Variants in SYT1 observed in about 807,000 individuals in gnomAD.
SYT1 encodes the protein synaptotagmin-1.
A neutral mutation model predicts 44.8 loss-of-function variants in SYT1; 8 were observed. That is an observed-to-expected ratio of 0.18 (90% CI 0.10 to 0.32). The LOEUF is 0.32. Among genes scored for constraint, SYT1 ranks in the 10% least tolerant of loss-of-function variants. The pLI is 1.00. For synonymous variants in SYT1, 154 were observed against 188.8 expected, an observed-to-expected ratio of 0.82 and a Z score of 1.51; for missense variants, 286 against 509.3, an observed-to-expected ratio of 0.56 and a Z score of 4.22.
intron 3 of SYT1, among the ~76,000 whole-genome samples, chr12:79,048,419 C>T (rs984437021): frequency 1.3e-5 from 2 of 151,636 alleles, no homozygotes; most frequent in Non-Finnish European, 3.0e-5. Context: ...ATCATCATCA[C>T]GATGATATAA....
intron 3 of SYT1, among the ~76,000 whole-genome samples, chr12:79,095,829 C>A (rs1374550193): frequency 6.6e-6 from 1 of 151,852 alleles, no homozygotes; most frequent in African/African-American, 2.4e-5. Flanking sequence ...TCTGAAGATT[C>A]AATAATTTGT....
intron 1 of SYT1, among the ~76,000 whole-genome samples, chr12:78,917,658 A>G (rs1415986007): frequency 2.3e-4 from 35 of 151,680 alleles, no homozygotes; most frequent in Middle Eastern, 7.0e-3. Context: ...TGTTCTTGAG[A>G]ATAAATTTCC....
chr12:79,438,281 C>A (rs1283826423), intron 9 of SYT1, among the ~76,000 whole-genome samples: 1 of 152,052 alleles, frequency 6.6e-6, no homozygotes, highest in African/African-American at 2.4e-5. Flanking sequence ...AAAAAGATGG[C>A]AGATTCATTG....
chr12:79,018,325 C>T (rs1342348303), intron 2 of SYT1, among the ~76,000 whole-genome samples: 5 of 141,140 alleles, frequency 3.5e-5, no homozygotes, highest in Non-Finnish European at 6.0e-5. Flanking sequence ...AGGGGAACAT[C>T]ACACACCAGG....
At chr12:79,240,579 G>A (rs990238059) in intron 4 of SYT1, among the ~76,000 whole-genome samples, 1 of 152,136 alleles carries the variant, frequency 6.6e-6, no homozygotes, top group African/African-American at 2.4e-5. Flanking sequence ...CATATCAACA[G>A]GTTCAGGAAT....
intron 3 of SYT1, among the ~76,000 whole-genome samples, chr12:79,090,863 C>T (rs1045566074): frequency 3.1e-4 from 47 of 151,956 alleles, no homozygotes; most frequent in African/African-American, 1.1e-3. Flanking sequence ...CAGGTAATAG[C>T]CCTCAAAAAG....
At chr12:79,228,779 A>G (rs1190653328) in intron 4 of SYT1, among the ~76,000 whole-genome samples, 1 of 152,190 alleles carries the variant, frequency 6.6e-6, no homozygotes, top group African/African-American at 2.4e-5. Context: ...ACGTCTCTCA[A>G]AACCAGCCAG....
intron 3 of SYT1, among the ~76,000 whole-genome samples, chr12:79,087,623 G>A (rs1028742518): frequency 6.6e-6 from 1 of 151,950 alleles, no homozygotes; most frequent in African/African-American, 2.4e-5. Flanking sequence ...CAAGCCCAGT[G>A]GTGAGTAACA....
intron 2 of SYT1, chr12:79,036,355 G>GA (rs1489801064): frequency 1.3e-5 from 2 of 151,848 alleles, no homozygotes; most frequent in Non-Finnish European, 2.9e-5. Context: ...GTAATTGCCA[G>GA]ATGGGTATTG....
intron 2 of SYT1, among the ~76,000 whole-genome samples, chr12:79,045,142 G>T (rs1242387680): frequency 6.6e-6 from 1 of 152,158 alleles, no homozygotes; most frequent in Admixed American, 6.5e-5. Flanking sequence ...GCTGTGGTGG[G>T]CTCCACCCAG....
chr12:79,182,024 T>C (rs1360870085), intron 3 of SYT1, among the ~76,000 whole-genome samples: 1 of 152,062 alleles, frequency 6.6e-6, no homozygotes, highest in East Asian at 1.9e-4. Context: ...TCTACACACA[T>C]GTATAGGTCT....
At chr12:79,129,504 A>G (rs368828162) in intron 3 of SYT1, among the ~76,000 whole-genome samples, 4 of 152,206 alleles carry the variant, frequency 2.6e-5, no homozygotes, top group African/African-American at 4.8e-5. Context: ...AAGAAGATCA[A>G]TTGAGTAGTG....
At chr12:78,999,183 A>G (rs773819367) in intron 2 of SYT1, among the ~76,000 whole-genome samples, 1 of 152,196 alleles carries the variant, frequency 6.6e-6, no homozygotes, top group East Asian at 1.9e-4. Flanking sequence ...TTTTTCATCT[A>G]CATTAGCATC....
chr12:79,349,060 G>GAAAGAAAAAGAAAGAAAGAAA (rs1565920027), intron 8 of SYT1, among the ~76,000 whole-genome samples: 39 of 128,814 alleles, frequency 3.0e-4, no homozygotes, highest in African/African-American at 9.2e-4. Context: ...AAAGAAAGGA[G>GAAAGAAAAAGAAAGAAAGAAA]GGAGGGAGGG....
At chr12:79,140,580 T>C (rs1869496458) in intron 3 of SYT1, among the ~76,000 whole-genome samples, 1 of 152,212 alleles carries the variant, frequency 6.6e-6, no homozygotes, top group African/African-American at 2.4e-5. Flanking sequence ...TGTGCTTCGT[T>C]ACCATGCAGG....
chr12:78,939,283 C>T (rs1878228550), intron 1 of SYT1, among the ~76,000 whole-genome samples: 1 of 152,170 alleles, frequency 6.6e-6, no homozygotes, highest in Non-Finnish European at 1.5e-5. Context: ...TTTTTCTAGA[C>T]TCCTGGGATC....
chr12:79,289,310 C>T (rs973369345), intron 5 of SYT1, among the ~76,000 whole-genome samples: 3 of 152,090 alleles, frequency 2.0e-5, no homozygotes, highest in Admixed American at 2.0e-4. Flanking sequence ...CTTTTTCTTC[C>T]GAATTTTGTT....
At chr12:79,028,145 G>C (rs1872639078) in intron 2 of SYT1, among the ~76,000 whole-genome samples, 1 of 151,424 alleles carries the variant, frequency 6.6e-6, no homozygotes, top group South Asian at 2.1e-4. Context: ...TTTCTATGGT[G>C]AATGTGTTCA....
At chr12:79,020,243 TA>T (rs1045161787) in intron 2 of SYT1, among the ~76,000 whole-genome samples, 4 of 151,968 alleles carry the variant, frequency 2.6e-5, no homozygotes, top group African/African-American at 9.7e-5. Flanking sequence ...TTTATCTCCC[TA>T]AATCAGTTTA....
Sources: allele counts gnomAD v4.1 joint callset (sites outside exome capture counted in the v4.1 genomes callset), GRCh38; gene constraint gnomAD v4.1.1; transcripts MANE v1.5; gene names NCBI Gene and HGNC (gene_info 2026-07-23, HGNC 2026-07-21).